Variants in GRXCR1 observed in about 807,000 individuals in gnomAD.
GRXCR1 encodes glutaredoxin domain-containing cysteine-rich protein 1.
In GRXCR1, 27 loss-of-function variants were observed where a neutral mutation model predicts 27.3. The ratio of observed to expected loss-of-function variants is 0.99; its 90% CI spans 0.73 to 1.37. GRXCR1 has a LOEUF of 1.37. GRXCR1 is among the 40% of genes most tolerant of loss of function. The pLI is 0.00. For synonymous variants in GRXCR1, 122 were observed against 131.1 expected (o/e 0.93, Z 0.47); for missense variants, 379 against 354.4 (o/e 1.07, Z -0.56).
intron 1 of GRXCR1, among the ~76,000 whole-genome samples, chr4:42,953,099 G>A (rs1747922283): frequency 6.6e-6 from 1 of 152,108 alleles, no homozygotes; most frequent in African/African-American, 2.4e-5. Flanking sequence ...GCATGTCTGA[G>A]GGCCAAGACT....
In GRXCR1 at chr4:42,905,967, T is replaced by C. The variant is rs113807911; in HGVS notation, c.384+12317T>C. 7.4e-3 allele frequency among the ~76,000 whole-genome samples: 1,130 copies of C among 152,320 alleles called. 11 individuals carry two copies. Among genetic ancestry groups the C allele is most frequent in the African/African-American group, 0.026 (1,073 of 41,588 alleles). ...GATATTAATTTTTCTTGTATGTAATTTGGCTCACATTGGGTCATGCTTCTG... is the reference window on the plus strand; with the variant it reads ...GATATTAATTTTTCTTGTATGTAATCTGGCTCACATTGGGTCATGCTTCTG... On this transcript the variant is annotated intron_variant, in intron 1 of 3. Coordinates refer to ENST00000399770, the MANE Select transcript of GRXCR1 (RefSeq NM_001080476.3).
intron 2 of GRXCR1, among the ~76,000 whole-genome samples, chr4:42,981,345 C>T (rs529189452): frequency 6.6e-6 from 1 of 152,150 alleles, no homozygotes; most frequent in South Asian, 2.1e-4. Flanking sequence ...CAATGTGCCC[C>T]CCCATATTTT....
chr4:43,024,715 A>AT (rs1274541746), intron 3 of GRXCR1, among the ~76,000 whole-genome samples: 1 of 151,996 alleles, frequency 6.6e-6, no homozygotes, highest in East Asian at 1.9e-4. Flanking sequence ...GATTCTATTT[A>AT]TTTTTTTAGC....
At chr4:43,003,684 A>C (rs1466852918) in intron 2 of GRXCR1, among the ~76,000 whole-genome samples, 1 of 152,214 alleles carries the variant, frequency 6.6e-6, no homozygotes, top group Non-Finnish European at 1.5e-5. Context: ...TGAACTTCAG[A>C]AATATGATTT....
intron 1 of GRXCR1, among the ~76,000 whole-genome samples, chr4:42,960,798 T>C (rs1234470704): frequency 6.6e-6 from 1 of 151,858 alleles, no homozygotes. Context: ...GTGGCAGAGC[T>C]CAGGTATATC....
intron 2 of GRXCR1, among the ~76,000 whole-genome samples, chr4:42,966,990 C>T (rs912752173): frequency 3.3e-5 from 5 of 151,948 alleles, no homozygotes; most frequent in Admixed American, 1.3e-4. Context: ...AAGTCTGTGG[C>T]TTGTCTTTTC....
rs7668826 is a variant in GRXCR1, at chr4:43,019,970, T to G, written c.628-384T>G. Among the ~76,000 whole-genome samples, 1,226 of 152,194 alleles carry G rather than the reference T, an allele frequency of 8.1e-3. 16 individuals carry two copies. Among genetic ancestry groups the G allele is most frequent in the African/African-American group, 0.028 (1,153 of 41,542 alleles). On this transcript the variant is annotated intron_variant, in intron 2 of 3. Transcript: ENST00000399770. ...GGGCCATGTCTAGTACTGCTTGGAG[T>G]AAGGTAGAGATAACCGAGGGTGGGA...
At chr4:42,987,466 GA>G (rs1057468816) in intron 2 of GRXCR1, among the ~76,000 whole-genome samples, 7 of 151,196 alleles carry the variant, frequency 4.6e-5, no homozygotes, top group Non-Finnish European at 7.4e-5. Context: ...ATTTTTTGTA[GA>G]GACGGGGGTC....
intron 1 of GRXCR1, among the ~76,000 whole-genome samples, chr4:42,949,620 T>G (rs995055394): frequency 2.0e-5 from 3 of 152,120 alleles, no homozygotes; most frequent in African/African-American, 7.2e-5. Flanking sequence ...AGTACCTACC[T>G]TACTTATAGA....
chr4:43,008,340 A>C (rs1271206453), intron 2 of GRXCR1, among the ~76,000 whole-genome samples: 1 of 152,162 alleles, frequency 6.6e-6, no homozygotes, highest in Non-Finnish European at 1.5e-5. Flanking sequence ...GTCTTTTAAC[A>C]AACAACCTGT....
chr4:43,029,978 T>G (rs1713369513), intron 3 of GRXCR1, among the ~76,000 whole-genome samples: 1 of 152,112 alleles, frequency 6.6e-6, no homozygotes, highest in Admixed American at 6.5e-5. Context: ...TAAACAGACA[T>G]GAAACTGTTA....
intron 2 of GRXCR1, among the ~76,000 whole-genome samples, chr4:43,014,385 A>C (rs1333745896): frequency 6.6e-6 from 1 of 152,138 alleles, no homozygotes; most frequent in African/African-American, 2.4e-5. Flanking sequence ...TGGGCATGGT[A>C]GTCACAGCAA....
chr4:43,018,337 CT>C (rs1712995340), intron 2 of GRXCR1, among the ~76,000 whole-genome samples: 1 of 152,242 alleles, frequency 6.6e-6, no homozygotes, highest in East Asian at 1.9e-4. Flanking sequence ...TATGGAGCAG[CT>C]TTTTTCCAAC....
At chr4:42,965,743 A>G (rs1748222907) in intron 2 of GRXCR1, among the ~76,000 whole-genome samples, 1 of 152,002 alleles carries the variant, frequency 6.6e-6, no homozygotes. Flanking sequence ...AGAAAAATAG[A>G]AAAACAGACA....
chr4:42,954,554 G>A (rs1747955526), intron 1 of GRXCR1, among the ~76,000 whole-genome samples: 1 of 152,018 alleles, frequency 6.6e-6, no homozygotes, highest in South Asian at 2.1e-4. Flanking sequence ...TAAAACCTGG[G>A]CCATAATCTT....
chr4:42,990,726 G>A (rs1711946406), intron 2 of GRXCR1, among the ~76,000 whole-genome samples: 1 of 151,856 alleles, frequency 6.6e-6, no homozygotes, highest in African/African-American at 2.4e-5. Context: ...CCCATAATAT[G>A]CCTATTAATT....
intron 1 of GRXCR1, among the ~76,000 whole-genome samples, chr4:42,931,329 T>A (rs979481071): frequency 1.1e-4 from 16 of 152,020 alleles, no homozygotes; most frequent in African/African-American, 3.4e-4. Context: ...TGGAGTTGTC[T>A]ACATTCTGGT....
intron 1 of GRXCR1, among the ~76,000 whole-genome samples, chr4:42,933,697 CT>C (rs1747386157): frequency 6.6e-6 from 1 of 151,914 alleles, no homozygotes; most frequent in African/African-American, 2.4e-5. Flanking sequence ...CAGAGACTCC[CT>C]TTCACCATGT....
chr4:42,925,207 G>A (rs1323639712), intron 1 of GRXCR1, among the ~76,000 whole-genome samples: 1 of 151,918 alleles, frequency 6.6e-6, no homozygotes, highest in African/African-American at 2.4e-5. Context: ...CCTTTAACTA[G>A]GACCAAGATT....
Sources: allele counts gnomAD v4.1 joint callset (sites outside exome capture counted in the v4.1 genomes callset), GRCh38; gene constraint gnomAD v4.1.1; transcripts MANE v1.5; gene names NCBI Gene and HGNC (gene_info 2026-07-23, HGNC 2026-07-21).